OSCP1: variants seen among roughly 807,000 people sequenced by gnomAD.
OSCP1 encodes organic solute carrier partner 1, also known as protein OSCP1.
OSCP1 carries 35 observed loss-of-function variants against 45.1 expected under a neutral mutation model. That is an observed-to-expected ratio of 0.78 (90% CI 0.59 to 1.03). The LOEUF (loss-of-function observed/expected upper bound fraction) is 1.03. OSCP1 is among the 50% of genes least tolerant of loss of function. The pLI, the probability that OSCP1 is intolerant of heterozygous loss-of-function variation, is 0.00. For missense variants in OSCP1, 400 were observed against 470.7 expected, an observed-to-expected ratio of 0.85 and a Z score of 1.39; for synonymous variants, 179 against 180.1, an observed-to-expected ratio of 0.99 and a Z score of 0.05.
intron 4 of OSCP1, among the ~76,000 whole-genome samples, chr1:36,425,154 C>T (rs1647887169): frequency 7.2e-6 from 1 of 139,360 alleles, no homozygotes; most frequent in East Asian, 2.1e-4. Context: ...GCCTGGGCAA[C>T]AGAGCAAGAC....
At position 36,422,788 on chromosome 1, in the gene OSCP1, G is replaced by A; in HGVS notation, c.729C>T (p.Val243=). The part of the protein sequence containing the change: ...EGSFELYGDR[V]LKLGTNMYSV... Reference sequence around the variant, plus strand: ...CTTACATGTTAGTTCCCAGTTTCAGGACTCGGTCTCCATAAAGTTCAAAAG... The same window carrying A: ...CTTACATGTTAGTTCCCAGTTTCAGAACTCGGTCTCCATAAAGTTCAAAAG... The change falls in exon 6 of 10, where the codon GTC becomes GTT. Residue 243 remains valine, a synonymous_variant. Coordinates refer to ENST00000235532, the MANE Select transcript of OSCP1 (RefSeq NM_145047.5). 1.3e-6 allele frequency: 2 copies of A among 1,592,270 alleles called. No homozygotes were observed. Among genetic ancestry groups the A allele is most frequent in the Non-Finnish European group, 1.7e-6 (2 of 1,167,588 alleles).
chr1:36,450,430 G>C lies in OSCP1; in HGVS notation c.-61C>G, dbSNP rs536095898. On this transcript the variant is annotated 5_prime_UTR_variant, in exon 1 of 10. Coordinates refer to ENST00000235532, the MANE Select transcript of OSCP1 (RefSeq NM_145047.5). ...GGGGTTCGGTAGCCAGTGGCCTGAAGGCCAGGCCGCAGCGTCCCAATAGTC... is the reference window on the plus strand; with the variant it reads ...GGGGTTCGGTAGCCAGTGGCCTGAACGCCAGGCCGCAGCGTCCCAATAGTC... The C allele has an allele frequency of 1.9e-4, 269 of 1,397,394 alleles. 1 individual carries two copies. In the East Asian group the frequency reaches 6.0e-3, roughly 31 times the overall value. The allele number at this position is 1,397,394 out of a possible 1,614,324, so 86.6% of individuals were successfully genotyped here.
intron 2 of OSCP1, among the ~76,000 whole-genome samples, 191 bp downstream of exon 2, chr1:36,438,565 A>T (rs2124802944): frequency 6.6e-6 from 1 of 152,314 alleles, no homozygotes; most frequent in East Asian, 1.9e-4. Flanking sequence ...AATGTCATAA[A>T]CAACAGAGGG....
At chr1:36,434,106 C>T (rs1157214074) in intron 2 of OSCP1, among the ~76,000 whole-genome samples, 5 of 151,968 alleles carry the variant, frequency 3.3e-5, no homozygotes, top group South Asian at 2.1e-4. Flanking sequence ...GAGGAAAAGA[C>T]GTCTGAGGGA....
At position 36,418,078 on chromosome 1, in the gene OSCP1, TC is replaced by T; in HGVS notation, c.*60del. The T allele has an allele frequency of 7.3e-7, 1 of 1,374,942 alleles. No homozygotes were observed. The highest frequency in any genetic ancestry group is 1.0e-6 in the Non-Finnish European group (1 of 974,122). The allele number at this position is 1,374,942 out of a possible 1,614,324, so 85.2% of individuals were successfully genotyped here. Reference sequence around the variant, plus strand: ...AGCATCATTCTGGGCCATGGGGCATTCCCCAGGGGTCACCATCCAGCAGCCT... The same window carrying T: ...AGCATCATTCTGGGCCATGGGGCATTCCCAGGGGTCACCATCCAGCAGCCT... On this transcript the variant is annotated 3_prime_UTR_variant, in exon 10 of 10. Transcript: ENST00000235532.
intron 1 of OSCP1, among the ~76,000 whole-genome samples, chr1:36,439,157 C>CAA (rs1648959828): frequency 6.6e-6 from 1 of 152,208 alleles, no homozygotes; most frequent in Non-Finnish European, 1.5e-5. Flanking sequence ...TGTTGTGCTT[C>CAA]AGAGATTATA....
chr1:36,445,765 A>G (rs1649482742), intron 1 of OSCP1, among the ~76,000 whole-genome samples: 1 of 152,150 alleles, frequency 6.6e-6, no homozygotes, highest in Non-Finnish European at 1.5e-5. Context: ...CCCAGGCTGG[A>G]GTGCAATGGT....
At chr1:36,421,333 C>T (rs1293443081) in intron 7 of OSCP1, among the ~76,000 whole-genome samples, 6 of 152,156 alleles carry the variant, frequency 3.9e-5, no homozygotes, top group South Asian at 4.1e-4. Context: ...ATCCTCCTCC[C>T]GGGAACACTC....
intron 4 of OSCP1, chr1:36,428,188 TCAA>T: frequency 1.7e-6 from 1 of 602,146 alleles, no homozygotes; most frequent in South Asian, 2.3e-5. Flanking sequence ...AGACTGCATC[TCAA>T]AAAAAAAAAA....
chr1:36,423,035 A>T, intron 5 of OSCP1, 139 bp from the exon 6 acceptor site: 3 of 517,630 alleles, frequency 5.8e-6, no homozygotes, highest in Non-Finnish European at 9.2e-6. Context: ...AATAATAATA[A>T]TAATAATACA....
intron 4 of OSCP1, among the ~76,000 whole-genome samples, chr1:36,424,842 A>G (rs1647867322): frequency 6.6e-6 from 1 of 152,178 alleles, no homozygotes; most frequent in Non-Finnish European, 1.5e-5. Flanking sequence ...TTTCAACTCT[A>G]ATATTCTATA....
intron 4 of OSCP1, among the ~76,000 whole-genome samples, chr1:36,426,521 T>C (rs951679917): frequency 3.9e-5 from 6 of 152,104 alleles, no homozygotes; most frequent in African/African-American, 1.4e-4. Flanking sequence ...TCCCCTAGGA[T>C]GTACCTCAAA....
At position 36,432,624 on chromosome 1, in the gene OSCP1, C is replaced by A. The variant is rs111685660; in HGVS notation, c.268-35G>T. ...CACACACAAGCAAAAGAAATGGGAT[C>A]ATATCAAAATCAGGTGTGAGAATCT... On this transcript the variant is annotated intron_variant, in intron 2 of 9. Transcript: ENST00000235532. 14 of 1,612,888 alleles carry A rather than the reference C, an allele frequency of 8.7e-6. No individual in the cohort carries two copies. The African/African-American group carries it at 1.6e-4, about 18-fold the overall frequency.
chr1:36,418,725 T>C (rs1647423988), intron 9 of OSCP1: 2 of 392,488 alleles, frequency 5.1e-6, no homozygotes, highest in African/African-American at 4.3e-5. Flanking sequence ...AAGACCAGCC[T>C]GGCCAACTTG....
Position 36,433,667 on chromosome 1 carries a change from A to G in OSCP1, c.268-1078T>C, listed in dbSNP as rs1254995650. ...ATAAAATAAAAGCTGAATTATTAAA[A>G]ATAGAATAAAGTTTTTGGGGAGATA... On this transcript the variant is annotated intron_variant, in intron 2 of 9. Coordinates refer to ENST00000235532, the MANE Select transcript of OSCP1 (RefSeq NM_145047.5). Among the ~76,000 whole-genome samples, 8 of 152,224 alleles carry G rather than the reference A, an allele frequency of 5.3e-5. No homozygotes were observed. In the East Asian group the frequency reaches 1.5e-3, roughly 29 times the overall value.
intron 7 of OSCP1, among the ~76,000 whole-genome samples, chr1:36,421,811 G>T (rs1228076937): frequency 2.6e-5 from 4 of 152,202 alleles, no homozygotes; most frequent in African/African-American, 9.7e-5. Flanking sequence ...ACATTAAAAA[G>T]AAATGTTTTA....
Position 36,438,317 on chromosome 1 carries a change from CAAAAAAAAAAAAAAA to C in OSCP1, c.267+424_267+438del, listed in dbSNP as rs35430845. On this transcript the variant is annotated intron_variant, in intron 2 of 9. Coordinates refer to ENST00000235532, the MANE Select transcript of OSCP1 (RefSeq NM_145047.5). The stretch of plus-strand genomic sequence containing the variant: ...GGGCAACAAGAGCGAAACTCCATCT[CAAAAAAAAAAAAAAA>C]AAAAAAAAATTAGCCAGTGTGATGG... 8.1e-5 allele frequency among the ~76,000 whole-genome samples: 6 copies of C among 73,800 alleles called. No homozygotes were observed. The East Asian group carries it at 2.4e-3, about 29-fold the overall frequency. The allele number at this position is 73,800 out of a possible 152,430, so 48.4% of individuals were successfully genotyped here. A position where few individuals can be genotyped will look rare whatever the true frequency, so the allele number is the denominator to read the frequency against.
At chr1:36,437,266 G>T (rs1648807219) in intron 2 of OSCP1, among the ~76,000 whole-genome samples, 1 of 150,762 alleles carries the variant, frequency 6.6e-6, no homozygotes, top group African/African-American at 2.4e-5. Flanking sequence ...TTATTTATGT[G>T]GAATTATTAT....
intron 4 of OSCP1, among the ~76,000 whole-genome samples, chr1:36,429,849 C>T (rs1570517566): frequency 1.4e-5 from 2 of 143,184 alleles, no homozygotes; most frequent in South Asian, 2.2e-4. Flanking sequence ...CTTGCTCTGT[C>T]GCCCAGGCTA....
Sources: allele counts gnomAD v4.1 joint callset (sites outside exome capture counted in the v4.1 genomes callset), GRCh38; gene constraint gnomAD v4.1.1; transcripts MANE v1.5; gene names NCBI Gene and HGNC (gene_info 2026-07-23, HGNC 2026-07-21).